The following TANC2 variants were observed in gnomAD, a reference collection of about 807,000 sequenced individuals.
TANC2 encodes the protein protein TANC2.
In TANC2, 26 loss-of-function variants were observed where a neutral mutation model predicts 210.5. The observed-to-expected ratio is 0.12, with a 90% CI of 0.09 to 0.17. The LOEUF is 0.17. Ranked by LOEUF, TANC2 falls within the 10% of genes least tolerant of loss-of-function variation. The pLI, the probability that TANC2 is intolerant of heterozygous loss-of-function variation, is 1.00. For missense variants in TANC2, 2,129 were observed against 2,608.9 expected (o/e 0.82, Z 4.01); for synonymous variants, 931 against 967.1 (o/e 0.96, Z 0.69).
chr17:63,220,568 G>A (rs1419987393), intron 7 of TANC2, among the ~76,000 whole-genome samples: 1 of 151,284 alleles, frequency 6.6e-6, no homozygotes, highest in Non-Finnish European at 1.5e-5. Flanking sequence ...GCCAGGTGTG[G>A]TAGCGCGTGT....
At chr17:63,096,465 G>A (rs936457162) in intron 3 of TANC2, among the ~76,000 whole-genome samples, 6 of 152,132 alleles carry the variant, frequency 3.9e-5, no homozygotes, top group Non-Finnish European at 8.8e-5. Flanking sequence ...TTGTGGATTT[G>A]CCTCTCCTGA....
rs138747768 is a variant in TANC2 at position 63,243,436 on chromosome 17, A to G, written c.1033+5359A>G. On this transcript the variant is annotated intron_variant, in intron 8 of 27. Transcript: ENST00000689528. The stretch of plus-strand genomic sequence containing the variant: ...TAAAGTTTTATCAGTTTTATTCATA[A>G]TATCTAAAAACTGAAAACCATTCAC... 9.3e-4 allele frequency among the ~76,000 whole-genome samples: 141 copies of G among 152,332 alleles called. 1 individual carries two copies. Among genetic ancestry groups the G allele is most frequent in the African/African-American group, 3.3e-3 (137 of 41,582 alleles).
chr17:63,113,760 G>T (rs910175643), intron 4 of TANC2, among the ~76,000 whole-genome samples: 1 of 152,178 alleles, frequency 6.6e-6, no homozygotes, highest in South Asian at 2.1e-4. Flanking sequence ...CTCTCACCTC[G>T]GTCTCCCAAA....
intron 8 of TANC2, 138 bp downstream of exon 8, chr17:63,238,215 G>A: frequency 8.9e-7 from 1 of 1,126,966 alleles, no homozygotes; most frequent in Non-Finnish European, 1.2e-6. Context: ...CTGTTCTTTT[G>A]TGTTTGGGTA....
chr17:63,275,320 A>G (rs188786236), intron 9 of TANC2, among the ~76,000 whole-genome samples: 1 of 152,328 alleles, frequency 6.6e-6, no homozygotes, highest in East Asian at 1.9e-4. Flanking sequence ...CTACTTTAAT[A>G]GACACTAGGT....
At chr17:63,100,049 T>A (rs147989750) in intron 4 of TANC2, among the ~76,000 whole-genome samples, 416 of 152,278 alleles carry the variant, frequency 2.7e-3, no homozygotes, top group Admixed American at 5.1e-3. Flanking sequence ...GGTCACTTTG[T>A]TAGATTTCTT....
intron 15 of TANC2, among the ~76,000 whole-genome samples, 199 bp downstream of exon 15, chr17:63,380,025 A>G (rs529024884): frequency 6.6e-6 from 1 of 152,282 alleles, no homozygotes; most frequent in Admixed American, 6.5e-5. Context: ...ACTAACTGAT[A>G]GGCTTTTCAG....
At chr17:63,375,691 A>C (rs2047402455) in intron 14 of TANC2, among the ~76,000 whole-genome samples, 1 of 152,258 alleles carries the variant, frequency 6.6e-6, no homozygotes, top group African/African-American at 2.4e-5. Context: ...TCTTGAGAGT[A>C]AGATACTTCA....
intron 3 of TANC2, among the ~76,000 whole-genome samples, chr17:63,078,465 A>AT (rs1239670101): frequency 6.6e-6 from 1 of 151,670 alleles, no homozygotes; most frequent in East Asian, 1.9e-4. Context: ...TTTGGGTTTA[A>AT]TTTTATCTTT....
At chr17:63,403,663 G>A (rs924062713) in intron 19 of TANC2, among the ~76,000 whole-genome samples, 1 of 152,156 alleles carries the variant, frequency 6.6e-6, no homozygotes, top group African/African-American at 2.4e-5. Flanking sequence ...GTAAGGAACT[G>A]AAAAGAAATG....
At chr17:63,415,663 A>G in exon 26 of TANC2, 1 of 1,604,878 alleles carries the variant, frequency 6.2e-7, no homozygotes, top group South Asian at 1.1e-5. Context: ...TCGGTGTCGC[A>G]GGAAAATGAA....
At chr17:63,424,325 A>T (rs2049094993) in exon 28 of TANC2, 1 of 152,206 alleles carries the variant, frequency 6.6e-6, no homozygotes, top group East Asian at 1.9e-4. Context: ...CCATCATAAG[A>T]GGGAGTAGGT....
Position 63,098,515 on chromosome 17 carries a change from G to GTATATATA in TANC2, c.140-648_140-641dup, listed in dbSNP as rs373665673. ...TCTCTCTCTCTCTCTCTCTCTGTGT[G>GTATATATA]TATATATATATATATATATGTAAAA... On this transcript the variant is annotated intron_variant, in intron 3 of 27. Transcript: ENST00000689528. 4.8e-3 allele frequency among the ~76,000 whole-genome samples: 610 copies of GTATATATA among 126,720 alleles called. 22 individuals are homozygous for GTATATATA. Among genetic ancestry groups the GTATATATA allele is most frequent in the African/African-American group, 0.016 (559 of 34,892 alleles). 83.1% of individuals were successfully genotyped at this position (126,720 alleles called of 152,430 possible).
intron 1 of TANC2, among the ~76,000 whole-genome samples, chr17:62,969,257 A>G (rs1197383207): frequency 2.0e-5 from 3 of 152,212 alleles, no homozygotes; most frequent in Non-Finnish European, 4.4e-5. Flanking sequence ...TTTCTGTTTT[A>G]CAGATGAGAA....
At chr17:63,347,584 A>G (rs2046454643) in intron 12 of TANC2, among the ~76,000 whole-genome samples, 1 of 152,226 alleles carries the variant, frequency 6.6e-6, no homozygotes, top group Non-Finnish European at 1.5e-5. Context: ...GCTAGATTTC[A>G]AATTATGTAT....
chr17:63,063,651 A>G (rs572036809), intron 2 of TANC2, among the ~76,000 whole-genome samples: 29 of 142,700 alleles, frequency 2.0e-4, no homozygotes, highest in African/African-American at 7.0e-4. Flanking sequence ...ATCTCTTACA[A>G]TATCACACTT....
chr17:63,203,866 G>A (rs2145819474), intron 7 of TANC2, among the ~76,000 whole-genome samples: 1 of 152,282 alleles, frequency 6.6e-6, no homozygotes, highest in East Asian at 1.9e-4. Context: ...GGAGACACAT[G>A]TTCCAAGGAA....
At chr17:63,300,108 T>C (rs1179165683) in intron 9 of TANC2, among the ~76,000 whole-genome samples, 2 of 152,202 alleles carry the variant, frequency 1.3e-5, no homozygotes, top group East Asian at 3.8e-4. Context: ...TGTGGTGGTA[T>C]TTCTGAGGTC....
intron 7 of TANC2, among the ~76,000 whole-genome samples, chr17:63,205,985 T>C (rs923749132): frequency 1.1e-4 from 17 of 152,158 alleles, no homozygotes; most frequent in Admixed American, 5.2e-4. Flanking sequence ...ATCCAAAATA[T>C]ATAAAGAACC....
Sources: allele counts gnomAD v4.1 joint callset (sites outside exome capture counted in the v4.1 genomes callset), GRCh38; gene constraint gnomAD v4.1.1; transcripts MANE v1.5; gene names NCBI Gene and HGNC (gene_info 2026-07-23, HGNC 2026-07-21).